Variants in FAM171A1 observed in about 807,000 individuals in gnomAD.
FAM171A1 encodes the protein protein FAM171A1.
Under a neutral mutation model 74.9 loss-of-function variants are expected in FAM171A1, and 23 were observed. The ratio of observed to expected loss-of-function variants is 0.31; its 90% confidence interval spans 0.22 to 0.44. The LOEUF is 0.44. Ranked by LOEUF, FAM171A1 falls within the 20% of genes least tolerant of loss-of-function variation. The pLI, the probability that FAM171A1 is intolerant of heterozygous loss-of-function variation, is 1.00. For synonymous variants in FAM171A1, 527 were observed against 505.7 expected (o/e 1.04, Z -0.57); for missense variants, 1,162 against 1,159.2 (o/e 1.00, Z -0.03).
intron 1 of FAM171A1, among the ~76,000 whole-genome samples, chr10:15,314,902 G>A (rs1835404866): frequency 1.3e-5 from 2 of 152,226 alleles, no homozygotes; most frequent in Admixed American, 6.5e-5. Context: ...GCTGGTTGGC[G>A]CTGTCTGGGC....
At chr10:15,242,772 C>T (rs1834378834) in intron 5 of FAM171A1, among the ~76,000 whole-genome samples, 1 of 151,934 alleles carries the variant, frequency 6.6e-6, no homozygotes, top group Non-Finnish European at 1.5e-5. Flanking sequence ...GTCTGGCTGA[C>T]AGTGCAGGAC....
rs868640938 is a variant in FAM171A1 at position 15,285,569 on chromosome 10, A to G, written c.98-1464T>C. Reference sequence around the variant, plus strand: ...ATCACGTCAAGGGTGCTGATTCCAGAACTATGTGGGGGAGCAACTCAGAAG... The same window carrying G: ...ATCACGTCAAGGGTGCTGATTCCAGGACTATGTGGGGGAGCAACTCAGAAG... On this transcript the variant is annotated intron_variant, in intron 1 of 7. Transcript: ENST00000378116. Among the ~76,000 whole-genome samples the G allele has an allele frequency of 3.9e-5, 6 of 152,266 alleles. No homozygotes were observed. The South Asian group carries it at 8.3e-4, about 21-fold the overall frequency.
intron 2 of FAM171A1, among the ~76,000 whole-genome samples, chr10:15,279,058 C>T (rs1054851347): frequency 5.3e-5 from 8 of 152,062 alleles, no homozygotes; most frequent in African/African-American, 1.7e-4. Flanking sequence ...GCAGAGCTCC[C>T]GTGGCGACTG....
rs191853153 is a variant in FAM171A1 at position 15,225,473 on chromosome 10, C to T, written c.755-4413G>A. On this transcript the variant is annotated intron_variant, in intron 5 of 7. Transcript: ENST00000378116. ...ACTGGCAAAAGCATTTCATGCTTTC[C>T]GTGTTTTGTGGGAGGAAATAAGCTC... Among the ~76,000 whole-genome samples the T allele has an allele frequency of 9.0e-4, 137 of 152,264 alleles. 1 individual carries two copies. The highest frequency in any genetic ancestry group is 3.0e-3 in the African/African-American group (126 of 41,550).
intron 1 of FAM171A1, among the ~76,000 whole-genome samples, chr10:15,358,612 T>C (rs148226757): frequency 6.6e-6 from 1 of 152,330 alleles, no homozygotes; most frequent in African/African-American, 2.4e-5. Flanking sequence ...CTCTGTTCTA[T>C]TGGACCTCCC....
chr10:15,319,918 T>C (rs529092851), intron 1 of FAM171A1, among the ~76,000 whole-genome samples: 4 of 152,358 alleles, frequency 2.6e-5, no homozygotes, highest in African/African-American at 9.6e-5. Flanking sequence ...CATTTATCTA[T>C]AATATAAAAT....
At chr10:15,248,850 C>G (rs1379831455) in intron 4 of FAM171A1, 35 bp from the exon 5 acceptor site, 3 of 1,580,844 alleles carry the variant, frequency 1.9e-6, no homozygotes, top group Non-Finnish European at 2.6e-6. Context: ...CATTTGCATG[C>G]AAAGTACCCA....
At chr10:15,236,439 G>A (rs1389416338) in intron 5 of FAM171A1, among the ~76,000 whole-genome samples, 1 of 152,062 alleles carries the variant, frequency 6.6e-6, no homozygotes, top group Non-Finnish European at 1.5e-5. Context: ...GAGGGGCTGG[G>A]GCTATTATGA....
At chr10:15,251,575 TTTTC>T (rs966407886) in intron 4 of FAM171A1, among the ~76,000 whole-genome samples, 3 of 151,780 alleles carry the variant, frequency 2.0e-5, no homozygotes, top group South Asian at 2.1e-4. Context: ...GCTAATTTTT[TTTTC>T]TTTGTTTTTG....
intron 1 of FAM171A1, among the ~76,000 whole-genome samples, chr10:15,358,744 AG>A (rs1835960796): frequency 6.6e-6 from 1 of 152,242 alleles, no homozygotes; most frequent in Admixed American, 6.5e-5. Flanking sequence ...TCATGGTTCA[AG>A]GGCAAACAGG....
At chr10:15,276,006 C>T (rs112616130) in intron 2 of FAM171A1, 59 bp from the exon 3 acceptor site, 5 of 1,267,282 alleles carry the variant, frequency 3.9e-6, no homozygotes, top group African/African-American at 3.0e-5. Context: ...AGTGCCTACT[C>T]TAATTTTTGG....
chr10:15,277,309 G>C (rs1955347), intron 2 of FAM171A1, among the ~76,000 whole-genome samples: 150,726 of 152,290 alleles, frequency 0.99, 74,610 homozygotes, highest in Middle Eastern at 1. Context: ...CCTCCGCCTC[G>C]CAGGTTCAAG....
At chr10:15,352,176 T>A (rs1414421794) in intron 1 of FAM171A1, among the ~76,000 whole-genome samples, 2 of 151,220 alleles carry the variant, frequency 1.3e-5, no homozygotes, top group African/African-American at 2.4e-5. Context: ...GAGGTGGAGG[T>A]TGCAATGAGC....
Position 15,213,693 on chromosome 10 carries a change from T to C in FAM171A1, c.1895A>G (p.Gln632Arg). 2 of 1,612,756 alleles carry C rather than the reference T, an allele frequency of 1.2e-6. No homozygotes were observed. The highest frequency in any genetic ancestry group is 1.1e-5 in the South Asian group (1 of 90,904). ...GGAAGACAGGGGCTGGGGCTGGATC[T>C]GTGAGGACGGGTGTGGGAAGATCCC... Reference protein sequence around the residue: ...HAGIFPHPSSQIQPQPLSSQA... With the variant: ...HAGIFPHPSSRIQPQPLSSQA... Residue 632 changes from glutamine to arginine, a missense_variant, in exon 8 of 8, where the codon CAG becomes CGG. By Grantham distance (43) the Gln-to-Arg change is conservative. Transcript: ENST00000378116. This position sits in a 1 kb window ranked among gnomAD's most constrained non-coding sequence, Gnocchi z 6.8.
chr10:15,216,792 C>G (rs1210304860), intron 6 of FAM171A1, among the ~76,000 whole-genome samples: 1 of 150,874 alleles, frequency 6.6e-6, no homozygotes, highest in Non-Finnish European at 1.5e-5. Flanking sequence ...GGACTCTCAC[C>G]TTCAGAAAGA....
In FAM171A1 at chr10:15,312,692, T is replaced by G. The variant is rs1297530029; in HGVS notation, c.98-28587A>C. On this transcript the variant is annotated intron_variant, in intron 1 of 7. Transcript: ENST00000378116. ...CTGTGTGTTTTTTTTTTTTTTTTTTTTTTTTTTTTTTTTTTTTTTTTTGAG... is the reference window on the plus strand; with the variant it reads ...CTGTGTGTTTTTTTTTTTTTTTTTTGTTTTTTTTTTTTTTTTTTTTTTGAG... Among the ~76,000 whole-genome samples the G allele has an allele frequency of 1.4e-4, 17 of 117,652 alleles. 1 individual carries two copies. Among genetic ancestry groups the G allele is most frequent in the South Asian group, 9.7e-4 (3 of 3,108 alleles). 77.2% of individuals were successfully genotyped at this position (117,652 alleles called of 152,430 possible).
chr10:15,296,519 G>T (rs1165513340), intron 1 of FAM171A1, among the ~76,000 whole-genome samples: 1 of 152,152 alleles, frequency 6.6e-6, no homozygotes, highest in East Asian at 1.9e-4. Context: ...CATTCAGTTT[G>T]ATGTTCCTCC....
chr10:15,213,515 C>T lies in FAM171A1; in HGVS notation c.2073G>A (p.Lys691=). The part of the protein sequence containing the change: ...MNSEVQLLTE[K]ALMELGGGKP... ...TCCCACCCCCAAGCTCCATCAGGGCCTTTTCAGTCAGGAGCTGCACCTCAC... is the reference window on the plus strand; with the variant it reads ...TCCCACCCCCAAGCTCCATCAGGGCTTTTTCAGTCAGGAGCTGCACCTCAC... Residue 691 remains lysine (K), a synonymous_variant, in exon 8 of 8, where the codon AAG becomes AAA. Transcript: ENST00000378116. The surrounding 1 kb of genome is among the most constrained non-coding windows in gnomAD (Gnocchi z 6.8). The T allele has an allele frequency of 6.2e-7, 1 of 1,614,162 alleles. No individual in the cohort carries two copies. The highest frequency in any genetic ancestry group is 8.5e-7 in the Non-Finnish European group (1 of 1,180,036).
At chr10:15,338,714 G>A (rs1051818236) in intron 1 of FAM171A1, among the ~76,000 whole-genome samples, 1 of 151,918 alleles carries the variant, frequency 6.6e-6, no homozygotes, top group Non-Finnish European at 1.5e-5. Context: ...GGATTTTTTT[G>A]TTTGTGTGTA....
Sources: allele counts gnomAD v4.1 joint callset (sites outside exome capture counted in the v4.1 genomes callset), GRCh38; gene constraint gnomAD v4.1.1; non-coding constraint Gnocchi (gnomAD v3.1); transcripts MANE v1.5; gene names NCBI Gene and HGNC (gene_info 2026-07-23, HGNC 2026-07-21).